The following RABEP1 variants were observed in gnomAD, a reference collection of about 807,000 sequenced individuals.
RABEP1 encodes rab GTPase-binding effector protein 1.
Under a neutral mutation model 123.4 loss-of-function variants are expected in RABEP1, and 51 were observed. The observed-to-expected ratio is 0.41, with a 90% CI of 0.33 to 0.52. RABEP1 has a LOEUF of 0.52. Among genes scored for constraint, RABEP1 ranks in the 20% least tolerant of loss-of-function variants. The pLI is 0.16. For missense variants in RABEP1, 888 were observed against 996.3 expected, an observed-to-expected ratio of 0.89 and a Z score of 1.46; for synonymous variants, 347 against 355.2, an observed-to-expected ratio of 0.98 and a Z score of 0.26.
intron 5 of RABEP1, among the ~76,000 whole-genome samples, chr17:5,341,737 A>C (rs1031853912): frequency 4.6e-5 from 7 of 152,250 alleles, no homozygotes; most frequent in Admixed American, 4.6e-4. Context: ...GGGGAGAAAT[A>C]CATCATGACC....
chr17:5,282,924 C>T (rs1198885818), intron 1 of RABEP1, among the ~76,000 whole-genome samples: 1 of 152,026 alleles, frequency 6.6e-6, no homozygotes, highest in African/African-American at 2.4e-5. Flanking sequence ...GTGTACCCTC[C>T]CTGCCGCCCC....
At chr17:5,321,318 C>T (rs909115330) in intron 2 of RABEP1, among the ~76,000 whole-genome samples, 2 of 152,222 alleles carry the variant, frequency 1.3e-5, no homozygotes, top group Non-Finnish European at 2.9e-5. Context: ...TGGCATGTGC[C>T]TGTAGTCCCA....
At chr17:5,300,498 TTTCTCTCTCTTTC>T (rs947719031) in intron 1 of RABEP1, among the ~76,000 whole-genome samples, 43 of 152,256 alleles carry the variant, frequency 2.8e-4, no homozygotes, top group African/African-American at 1.0e-3. Flanking sequence ...ATTGGTCAAG[TTTCTCTCTCTTTC>T]TTGGGGTGCA....
At chr17:5,283,633 A>G (rs1190722516) in intron 1 of RABEP1, among the ~76,000 whole-genome samples, 4 of 152,180 alleles carry the variant, frequency 2.6e-5, no homozygotes, top group African/African-American at 7.2e-5. Flanking sequence ...CTTGGTACGG[A>G]GTAGGTACTT....
At chr17:5,333,827 T>C (rs1906790638) in intron 3 of RABEP1, among the ~76,000 whole-genome samples, 1 of 152,228 alleles carries the variant, frequency 6.6e-6, no homozygotes, top group Non-Finnish European at 1.5e-5. Context: ...AAATAGCTGC[T>C]TCTCCTTCAG....
chr17:5,337,561 C>T (rs1474419817), intron 4 of RABEP1, among the ~76,000 whole-genome samples: 2 of 151,986 alleles, frequency 1.3e-5, no homozygotes, highest in Admixed American at 1.3e-4. Context: ...GGTATGGTGG[C>T]AGGCGCCTGT....
At chr17:5,369,920 G>C (rs997141454) in intron 12 of RABEP1, among the ~76,000 whole-genome samples, 8 of 151,966 alleles carry the variant, frequency 5.3e-5, no homozygotes, top group African/African-American at 1.9e-4. Context: ...GGCTGGTCTC[G>C]AACTCCTACC....
intron 5 of RABEP1, among the ~76,000 whole-genome samples, chr17:5,345,797 T>C (rs549035667): frequency 6.6e-6 from 1 of 152,236 alleles, no homozygotes; most frequent in East Asian, 1.9e-4. Flanking sequence ...CACTTTAAGT[T>C]TGAAGAAATA....
chr17:5,307,781 G>C (rs139463148), intron 1 of RABEP1, among the ~76,000 whole-genome samples: 1 of 152,070 alleles, frequency 6.6e-6, no homozygotes, highest in Non-Finnish European at 1.5e-5. Flanking sequence ...GCTAATCTCC[G>C]CACACCATGA....
chr17:5,377,078 T>G, intron 13 of RABEP1, 38 bp from the exon 14 acceptor site: 1 of 1,539,704 alleles, frequency 6.5e-7, no homozygotes, highest in Middle Eastern at 1.7e-4. Context: ...TTCCTTTCAC[T>G]CTCACAAACC....
chr17:5,339,923 C>T (rs1907439762), intron 5 of RABEP1, among the ~76,000 whole-genome samples: 1 of 152,032 alleles, frequency 6.6e-6, no homozygotes, highest in Non-Finnish European at 1.5e-5. Flanking sequence ...GGGGAAAAGC[C>T]ACTAATAGAG....
intron 8 of RABEP1, among the ~76,000 whole-genome samples, chr17:5,359,447 A>G (rs757011608): frequency 1.2e-4 from 18 of 152,124 alleles, no homozygotes; most frequent in Non-Finnish European, 2.6e-4. Context: ...TCACAGCAGC[A>G]CTGTATATGA....
In RABEP1 at chr17:5,310,301, C is replaced by CTTTTTTTTTTTTTTTTTTTTTTT. The variant is rs11432831; in HGVS notation, c.163+1497_163+1498insTTTTTTTTTTTTTTTTTTTTTTT. On this transcript the variant is annotated intron_variant, in intron 2 of 17. Coordinates refer to ENST00000537505, the MANE Select transcript of RABEP1 (RefSeq NM_004703.6). ...TTACAATTTAAATGAAAGCTTCGTCCTTTTTTTTTTTTTTTTTTGAGATGG... is the reference window on the plus strand; with the variant it reads ...TTACAATTTAAATGAAAGCTTCGTCCTTTTTTTTTTTTTTTTTTTTTTTTTTTTTTTTTTTTTTTTTGAGATGG... Among the ~76,000 whole-genome samples, 38 of 126,402 alleles carry CTTTTTTTTTTTTTTTTTTTTTTT rather than the reference C, an allele frequency of 3.0e-4. 6 individuals are homozygous for CTTTTTTTTTTTTTTTTTTTTTTT. Among genetic ancestry groups the CTTTTTTTTTTTTTTTTTTTTTTT allele is most frequent in the African/African-American group, 4.0e-4 (13 of 32,804 alleles). 82.9% of individuals were successfully genotyped at this position (126,402 alleles called of 152,430 possible). A position where few individuals can be genotyped will look rare whatever the true frequency, so the allele number is the denominator to read the frequency against.
At chr17:5,357,020 G>A (rs1909076005) in intron 8 of RABEP1, among the ~76,000 whole-genome samples, 1 of 152,016 alleles carries the variant, frequency 6.6e-6, no homozygotes, top group African/African-American at 2.4e-5. Context: ...TGGGATTACA[G>A]GCATGAGCCA....
intron 7 of RABEP1, among the ~76,000 whole-genome samples, chr17:5,354,097 CTTACT>C (rs1346772862): frequency 6.6e-6 from 1 of 151,876 alleles, no homozygotes; most frequent in Non-Finnish European, 1.5e-5. Flanking sequence ...TTTATTTTGC[CTTACT>C]TTATACAGTA....
At chr17:5,340,554 A>AT (rs1368813785) in intron 5 of RABEP1, among the ~76,000 whole-genome samples, 9 of 151,988 alleles carry the variant, frequency 5.9e-5, no homozygotes, top group Admixed American at 2.6e-4. Flanking sequence ...CTAAAATGAT[A>AT]GTTAAAATGC....
chr17:5,380,255 G>A (rs1350057776), intron 15 of RABEP1, 109 bp from the exon 16 acceptor site: 1 of 680,668 alleles, frequency 1.5e-6, no homozygotes, highest in African/African-American at 1.8e-5. Context: ...AGTATTCCCA[G>A]TGTAGCCCGA....
chr17:5,350,731 C>T (rs1908471088), intron 7 of RABEP1, 102 bp downstream of exon 7: 1 of 1,297,058 alleles, frequency 7.7e-7, no homozygotes, highest in African/African-American at 1.5e-5. Flanking sequence ...TAAGCTGCAA[C>T]AAGGTGATAA....
At chr17:5,295,110 G>A (rs2075070115) in intron 1 of RABEP1, among the ~76,000 whole-genome samples, 2 of 151,798 alleles carry the variant, frequency 1.3e-5, no homozygotes, top group South Asian at 2.1e-4. Context: ...GGACAGATGC[G>A]GTGGCTTACA....
Sources: gnomAD v4.1 joint callset for allele counts (sites outside exome capture counted in the v4.1 genomes callset) on GRCh38, gnomAD v4.1.1 for gene constraint, MANE v1.5 for transcripts, NCBI Gene and HGNC (gene_info 2026-07-23, HGNC 2026-07-21) for gene names.